Variants in MAP7 observed in about 807,000 individuals in gnomAD.
The protein encoded by MAP7 is ensconsin.
Under a neutral mutation model 94.8 loss-of-function variants are expected in MAP7, and 52 were observed. The observed-to-expected ratio is 0.55, with a 90% confidence interval of 0.44 to 0.69. The LOEUF is 0.69. Ranked by LOEUF, MAP7 falls within the 30% of genes least tolerant of loss-of-function variation. The pLI is 0.00. For synonymous variants in MAP7, 350 were observed against 357.0 expected (o/e 0.98, Z 0.22); for missense variants, 940 against 964.6 (o/e 0.97, Z 0.34).
rs56764706 is a variant in MAP7 at position 136,505,277 on chromosome 6, GTATATATATATATATATA to G, written c.67+45047_67+45064del. ...TGTGTGTGTGTGTGTGTGTGTGTGT[GTATATATATATATATATA>G]TATATATATATATATATAGTAAAAT... On this transcript the variant is annotated intron_variant, in intron 1 of 17. Coordinates refer to ENST00000354570, the MANE Select transcript of MAP7 (RefSeq NM_003980.6). Among the ~76,000 whole-genome samples, 46 of 53,832 alleles carry G rather than the reference GTATATATATATATATATA, an allele frequency of 8.5e-4. 1 individual carries two copies. Among genetic ancestry groups the G allele is most frequent in the African/African-American group, 3.1e-3 (39 of 12,436 alleles). The allele number at this position is 53,832 out of a possible 152,430, so 35.3% of individuals were successfully genotyped here. A position where few individuals can be genotyped will look rare whatever the true frequency, so the allele number is the denominator to read the frequency against.
chr6:136,501,588 CT>C (rs1331513613), intron 1 of MAP7, among the ~76,000 whole-genome samples: 1 of 152,106 alleles, frequency 6.6e-6, no homozygotes, highest in Non-Finnish European at 1.5e-5. Context: ...CCACTCCTGT[CT>C]CATTAATCTT....
chr6:136,440,079 G>C (rs779946935), intron 1 of MAP7, among the ~76,000 whole-genome samples: 15 of 152,206 alleles, frequency 9.9e-5, no homozygotes, highest in Admixed American at 2.0e-4. Flanking sequence ...CACCATAGCT[G>C]TGCTGCTGGG....
intron 1 of MAP7, among the ~76,000 whole-genome samples, chr6:136,504,361 T>G (rs570799996): frequency 5.3e-4 from 81 of 151,816 alleles, no homozygotes; most frequent in East Asian, 2.9e-3. Context: ...GTTTTTTTTT[T>G]GGGGGGGAAC....
chr6:136,446,685 C>A (rs1238199421), intron 1 of MAP7, among the ~76,000 whole-genome samples: 1 of 152,178 alleles, frequency 6.6e-6, no homozygotes, highest in Admixed American at 6.5e-5. Flanking sequence ...CAAAAAGACA[C>A]ATCACTTTGG....
At chr6:136,381,876 TTA>T (rs1777834425) in intron 6 of MAP7, among the ~76,000 whole-genome samples, 1 of 38,746 alleles carries the variant, frequency 2.6e-5, no homozygotes, top group Non-Finnish European at 4.6e-5. Context: ...ACTTCTAACC[TTA>T]CACACACACA....
chr6:136,382,090 C>T (rs1777967768), intron 6 of MAP7, among the ~76,000 whole-genome samples: 1 of 152,150 alleles, frequency 6.6e-6, no homozygotes, highest in Admixed American at 6.5e-5. Flanking sequence ...GGGACTCTAT[C>T]ACCCCAACTA....
chr6:136,369,999 G>C (rs1391753358), intron 8 of MAP7, among the ~76,000 whole-genome samples: 1 of 152,090 alleles, frequency 6.6e-6, no homozygotes, highest in African/African-American at 2.4e-5. Flanking sequence ...GCAACCTATG[G>C]AATAGAAGAA....
At chr6:136,484,929 A>G (rs1036292771) in intron 1 of MAP7, among the ~76,000 whole-genome samples, 3 of 152,138 alleles carry the variant, frequency 2.0e-5, no homozygotes, top group African/African-American at 7.2e-5. Context: ...TCCTGGCCTC[A>G]AATGATCTCC....
At chr6:136,494,343 A>G (rs181763923) in intron 1 of MAP7, among the ~76,000 whole-genome samples, 3 of 152,282 alleles carry the variant, frequency 2.0e-5, no homozygotes, top group Non-Finnish European at 4.4e-5. Context: ...TCTTTTATTT[A>G]TTGTAAAAAC....
chr6:136,362,150 G>A (rs1476677621), intron 11 of MAP7, among the ~76,000 whole-genome samples: 1 of 152,064 alleles, frequency 6.6e-6, no homozygotes, highest in African/African-American at 2.4e-5. Flanking sequence ...GCTGGGCATG[G>A]TGGCTCATGT....
intron 1 of MAP7, among the ~76,000 whole-genome samples, chr6:136,549,891 C>CT (rs1428744248): frequency 1.3e-5 from 2 of 152,228 alleles, no homozygotes; most frequent in Non-Finnish European, 2.9e-5. Flanking sequence ...CCCGGGGCGA[C>CT]CAGGGAAGGC....
chr6:136,381,842 T>C (rs1777819710), intron 6 of MAP7, among the ~76,000 whole-genome samples: 1 of 148,140 alleles, frequency 6.8e-6, no homozygotes. Flanking sequence ...TGATGTCCTA[T>C]GTCCTAATTC....
chr6:136,415,507 C>A (rs1408759602), intron 2 of MAP7, among the ~76,000 whole-genome samples: 3 of 152,174 alleles, frequency 2.0e-5, no homozygotes, highest in Non-Finnish European at 4.4e-5. Flanking sequence ...CCCACACCAA[C>A]CCTGACAGCC....
chr6:136,416,115 G>T (rs1789321553), intron 2 of MAP7, among the ~76,000 whole-genome samples: 1 of 152,202 alleles, frequency 6.6e-6, no homozygotes, highest in Non-Finnish European at 1.5e-5. Flanking sequence ...AGACTTGTCT[G>T]TTTTCTTCCC....
At position 136,441,626 on chromosome 6, in the gene MAP7, G is replaced by A. The variant is rs1414169473; in HGVS notation, c.68-19827C>T. 2.0e-5 allele frequency among the ~76,000 whole-genome samples: 3 copies of A among 152,112 alleles called. No homozygotes were observed. The East Asian group carries it at 5.8e-4, about 29-fold the overall frequency. On this transcript the variant is annotated intron_variant, in intron 1 of 17. Transcript: ENST00000354570. Reference sequence around the variant, plus strand: ...TTAGCCCCTTAAGCTGAAGACCAGGGCATGAAACTTCAGAGTTTTATGGTC... The same window carrying A: ...TTAGCCCCTTAAGCTGAAGACCAGGACATGAAACTTCAGAGTTTTATGGTC...
Position 136,484,804 on chromosome 6 carries a change from A to G in MAP7, c.68-63005T>C, listed in dbSNP as rs559468851. Among the ~76,000 whole-genome samples, 5 of 152,270 alleles carry G rather than the reference A, an allele frequency of 3.3e-5. No individual in the cohort carries two copies. In the South Asian group the frequency reaches 6.2e-4, roughly 19 times the overall value. ...AGCCTCAAACTCCCAGGCTCAAGTG[A>G]TCCTCCTGTTTCAGCCTCCCAGTTA... On this transcript the variant is annotated intron_variant, in intron 1 of 17. Transcript: ENST00000354570.
intron 7 of MAP7, among the ~76,000 whole-genome samples, chr6:136,375,731 C>T (rs1318357188): frequency 1.3e-5 from 2 of 152,136 alleles, no homozygotes; most frequent in African/African-American, 2.4e-5. Flanking sequence ...ATTGACAAAA[C>T]AGGCAGCTCA....
intron 17 of MAP7, among the ~76,000 whole-genome samples, chr6:136,344,828 G>C (rs1002915905): frequency 6.6e-6 from 1 of 152,196 alleles, no homozygotes; most frequent in African/African-American, 2.4e-5. Flanking sequence ...AAGAAGAGTA[G>C]CTTCATTTGG....
chr6:136,497,503 C>T (rs1818610492), intron 1 of MAP7, among the ~76,000 whole-genome samples: 7 of 150,618 alleles, frequency 4.6e-5, no homozygotes, highest in Admixed American at 4.0e-4. Context: ...TTTCCTCTAC[C>T]CCATGTCTAT....
Sources: allele counts gnomAD v4.1 joint callset (sites outside exome capture counted in the v4.1 genomes callset), GRCh38; gene constraint gnomAD v4.1.1; transcripts MANE v1.5; gene names NCBI Gene and HGNC (gene_info 2026-07-23, HGNC 2026-07-21).